Variants in NTRK3 observed in about 807,000 individuals in gnomAD.
NTRK3 encodes NT-3 growth factor receptor.
NTRK3 carries 24 observed loss-of-function variants against 91.7 expected under a neutral mutation model. The ratio of observed to expected loss-of-function variants is 0.26; its 90% CI spans 0.19 to 0.37. The LOEUF (loss-of-function observed/expected upper bound fraction) is 0.37. NTRK3 is among the 10% of genes least tolerant of loss of function. The probability of loss-of-function intolerance (pLI) is 1.00; values close to 1 mark genes in which losing one functional copy is unlikely to be tolerated. For synonymous variants in NTRK3, 483 were observed against 404.0 expected (o/e 1.20, Z -2.34); for missense variants, 880 against 1,068.9 (o/e 0.82, Z 2.46).
At chr15:88,033,318 T>C (rs1251908875) in intron 13 of NTRK3, among the ~76,000 whole-genome samples, 2 of 149,928 alleles carry the variant, frequency 1.3e-5, no homozygotes, top group Non-Finnish European at 3.0e-5. Context: ...CCTTTTTTTT[T>C]TCTTTTAAAT....
intron 17 of NTRK3, among the ~76,000 whole-genome samples, chr15:87,883,234 AAAGT>A (rs1263028539): frequency 6.7e-6 from 1 of 150,168 alleles, no homozygotes; most frequent in African/African-American, 2.4e-5. Flanking sequence ...GTCAAAAACT[AAAGT>A]AAGACTAAAT....
At chr15:88,175,918 G>A (rs1025380867) in intron 5 of NTRK3, among the ~76,000 whole-genome samples, 1 of 152,058 alleles carries the variant, frequency 6.6e-6, no homozygotes, top group Non-Finnish European at 1.5e-5. Flanking sequence ...TAGTGATGAG[G>A]GTGGGTTAGA....
intron 17 of NTRK3, among the ~76,000 whole-genome samples, chr15:87,902,491 G>T (rs1265164135): frequency 1.3e-5 from 2 of 152,044 alleles, no homozygotes; most frequent in Admixed American, 1.3e-4. Context: ...CATGGTCTTG[G>T]GCAGACAAAG....
intron 14 of NTRK3, among the ~76,000 whole-genome samples, chr15:88,019,205 A>G (rs1445569809): frequency 2.6e-5 from 4 of 152,212 alleles, no homozygotes. Flanking sequence ...TGTACACGGT[A>G]TCAATGTTCT....
At chr15:87,988,285 A>G (rs1395804375) in intron 14 of NTRK3, among the ~76,000 whole-genome samples, 2 of 152,246 alleles carry the variant, frequency 1.3e-5, no homozygotes, top group Non-Finnish European at 2.9e-5. Flanking sequence ...AAGGACAAGG[A>G]AAGTCTAAGA....
intron 14 of NTRK3, among the ~76,000 whole-genome samples, chr15:87,981,656 C>T (rs1387846651): frequency 1.3e-5 from 2 of 152,212 alleles, no homozygotes; most frequent in Non-Finnish European, 2.9e-5. Flanking sequence ...ATTTGCCCCC[C>T]ATTTTCCTTC....
At chr15:88,213,926 A>C (rs1355605529) in intron 3 of NTRK3, among the ~76,000 whole-genome samples, 2 of 152,082 alleles carry the variant, frequency 1.3e-5, no homozygotes, top group African/African-American at 4.8e-5. Context: ...CTAAAAATAC[A>C]AAATTAGCCA....
chr15:87,946,491 T>C (rs1452410025), intron 14 of NTRK3, among the ~76,000 whole-genome samples: 1 of 152,182 alleles, frequency 6.6e-6, no homozygotes, highest in Non-Finnish European at 1.5e-5. Flanking sequence ...TGGCTAATTA[T>C]TGTCTTGGGG....
intron 17 of NTRK3, among the ~76,000 whole-genome samples, chr15:87,886,773 C>A (rs1246913609): frequency 7.0e-6 from 1 of 143,518 alleles, no homozygotes; most frequent in Non-Finnish European, 1.5e-5. Context: ...TATTTCTATG[C>A]TGTTTGAAAT....
intron 13 of NTRK3, among the ~76,000 whole-genome samples, chr15:88,118,434 C>G (rs1047667597): frequency 6.6e-6 from 1 of 152,130 alleles, no homozygotes; most frequent in Non-Finnish European, 1.5e-5. Flanking sequence ...GGGTAAAAAA[C>G]ATTTGGAACA....
At chr15:88,126,907 G>A (rs535791129) in intron 12 of NTRK3, among the ~76,000 whole-genome samples, 1 of 152,278 alleles carries the variant, frequency 6.6e-6, no homozygotes, top group East Asian at 1.9e-4. Flanking sequence ...CTGCAAATCA[G>A]GCCCAGCTGG....
intron 14 of NTRK3, among the ~76,000 whole-genome samples, chr15:87,967,631 T>C (rs2141248352): frequency 6.6e-6 from 1 of 152,318 alleles, no homozygotes; most frequent in East Asian, 1.9e-4. Context: ...CTCTCACCAA[T>C]GGGATTTTGT....
intron 3 of NTRK3, among the ~76,000 whole-genome samples, chr15:88,201,384 C>T (rs1418396928): frequency 6.6e-6 from 1 of 152,178 alleles, no homozygotes; most frequent in African/African-American, 2.4e-5. Context: ...TGTTGTCCCT[C>T]GGTTCTAAGG....
At chr15:87,864,149 A>G (rs2064601318) in exon 19 of NTRK3, 1 of 232,620 alleles carries the variant, frequency 4.3e-6, no homozygotes, top group Admixed American at 5.6e-5. Context: ...TCTTGCCCCA[A>G]CTTGCTTTCC....
intron 13 of NTRK3, among the ~76,000 whole-genome samples, chr15:88,102,038 AT>A (rs1311873924): frequency 6.6e-6 from 1 of 152,174 alleles, no homozygotes; most frequent in East Asian, 1.9e-4. Flanking sequence ...AAATAAAAAA[AT>A]AAAATAGGCT....
At chr15:88,004,270 C>A (rs914196306) in intron 14 of NTRK3, among the ~76,000 whole-genome samples, 1 of 152,110 alleles carries the variant, frequency 6.6e-6, no homozygotes, top group African/African-American at 2.4e-5. Flanking sequence ...CTGAGATGAT[C>A]CTAAGCTATT....
chr15:87,896,961 T>C (rs1204203359), intron 17 of NTRK3, among the ~76,000 whole-genome samples: 1 of 152,120 alleles, frequency 6.6e-6, no homozygotes, highest in Non-Finnish European at 1.5e-5. Flanking sequence ...GGAGGGAAAA[T>C]GCAGCGAAAA....
rs112644177 is a variant in NTRK3 at position 87,864,095 on chromosome 15, GAGA to G, written c.*12837_*12839del. ...CAACAGTACACAAATCTTTGCCAGA[GAGA>G]AGAACACTGCTATTTTCTTTCACAT... On this transcript the variant is annotated 3_prime_UTR_variant, in exon 19 of 19. Transcript: ENST00000394480. The G allele has an allele frequency of 6.2e-3, 1,444 of 232,750 alleles. 18 individuals carry two copies. Among genetic ancestry groups the G allele is most frequent in the African/African-American group, 0.022 (1,006 of 45,330 alleles). The allele number at this position is 232,750 out of a possible 1,614,324, so 14.4% of individuals were successfully genotyped here.
chr15:88,179,513 C>T (rs959516390), intron 5 of NTRK3, among the ~76,000 whole-genome samples: 2 of 152,200 alleles, frequency 1.3e-5, no homozygotes, highest in African/African-American at 4.8e-5. Context: ...CCACGAAGAG[C>T]TCTACAGGTG....
Sources: allele counts gnomAD v4.1 joint callset (sites outside exome capture counted in the v4.1 genomes callset), GRCh38; gene constraint gnomAD v4.1.1; transcripts MANE v1.5; gene names NCBI Gene and HGNC (gene_info 2026-07-23, HGNC 2026-07-21).